Variants in UROC1 observed in about 807,000 individuals in gnomAD.
UROC1 encodes the protein urocanate hydratase.
A neutral mutation model predicts 89.5 loss-of-function variants in UROC1; 79 were observed. The observed-to-expected ratio is 0.88, with a 90% confidence interval of 0.74 to 1.06. The LOEUF (loss-of-function observed/expected upper bound fraction) is 1.06, where lower values mean the gene tolerates loss of function less well. Ranked by LOEUF, UROC1 falls within the 50% of genes least tolerant of loss-of-function variation. The probability of loss-of-function intolerance (pLI) is 0.00; values close to 1 mark genes in which losing one functional copy is unlikely to be tolerated. For missense variants in UROC1, 885 were observed against 907.8 expected, an observed-to-expected ratio of 0.97 and a Z score of 0.32; for synonymous variants, 361 against 354.8, an observed-to-expected ratio of 1.02 and a Z score of -0.20.
chr3:126,507,443 G>A (rs921127738), intron 6 of UROC1, among the ~76,000 whole-genome samples: 4 of 151,888 alleles, frequency 2.6e-5, no homozygotes, highest in Non-Finnish European at 4.4e-5. Flanking sequence ...TAGCACATTC[G>A]TCACAGAAAT....
intron 12 of UROC1, among the ~76,000 whole-genome samples, chr3:126,499,694 C>T (rs1438548124): frequency 1.3e-5 from 2 of 152,242 alleles, no homozygotes; most frequent in African/African-American, 2.4e-5. Context: ...CCACTGCGGA[C>T]ACTGTGCCTT....
rs373726993 is a variant in UROC1, at chr3:126,500,793, C to T, written c.1047G>A (p.Pro349=). The T allele has an allele frequency of 2.8e-5, 46 of 1,614,098 alleles. No individual in the cohort carries two copies. The highest frequency in any genetic ancestry group is 3.6e-5 in the Non-Finnish European group (43 of 1,180,034). ...GCACAGGGTAGTAGCCGCCATTGAACGGGTTGTGGCAGGATGTCTGATCTG... is the reference window on the plus strand; with the variant it reads ...GCACAGGGTAGTAGCCGCCATTGAATGGGTTGTGGCAGGATGTCTGATCTG... ...LGSDQTSCHN[P]FNGGYYPVQL... The change falls in exon 11 of 20, where the codon CCG becomes CCA. Residue 349 remains proline, a synonymous_variant. Transcript: ENST00000290868.
At position 126,500,041 on chromosome 3, in the gene UROC1, T is replaced by G. The variant is rs780447597; in HGVS notation, c.1243+16A>C. On this transcript the variant is annotated intron_variant, in intron 12 of 19. Transcript: ENST00000290868. ...GTGGTGGCCCCTCCCTCCTCCTCCC[T>G]CCTCCTTCCTCCTACCTGCTCTCTG... 26 of 1,608,980 alleles carry G rather than the reference T, an allele frequency of 1.6e-5. No individual in the cohort carries two copies. The highest frequency in any genetic ancestry group is 2.0e-5 in the Non-Finnish European group (24 of 1,177,678).
chr3:126,512,414 T>G (rs1936216503), intron 1 of UROC1, among the ~76,000 whole-genome samples: 1 of 152,252 alleles, frequency 6.6e-6, no homozygotes. Flanking sequence ...TCCCAGGATT[T>G]TTATATGTTT....
At position 126,496,765 on chromosome 3, in the gene UROC1, A is replaced by G. The variant is rs147956358; in HGVS notation, c.1439-657T>C. Among the ~76,000 whole-genome samples, 4 of 152,170 alleles carry G rather than the reference A, an allele frequency of 2.6e-5. No individual in the cohort carries two copies. In the East Asian group the frequency reaches 7.7e-4, roughly 29 times the overall value. On this transcript the variant is annotated intron_variant, in intron 14 of 19. Transcript: ENST00000290868. ...TCATTAAAATTTTAAATAAGCTTAC[A>G]CTTTTACCAAATTATATTAAAATGA...
At chr3:126,511,596 T>C (rs1321691964) in intron 1 of UROC1, among the ~76,000 whole-genome samples, 2 of 152,236 alleles carry the variant, frequency 1.3e-5, no homozygotes, top group African/African-American at 4.8e-5. Flanking sequence ...TTCAGATAAT[T>C]ACATAGCTCA....
chr3:126,515,166 G>C (rs1246926233), intron 1 of UROC1, among the ~76,000 whole-genome samples: 2 of 152,028 alleles, frequency 1.3e-5, no homozygotes, highest in African/African-American at 4.8e-5. Flanking sequence ...CAGCCACAGG[G>C]AGCTGATCAC....
intron 9 of UROC1, among the ~76,000 whole-genome samples, chr3:126,502,852 T>C (rs1576724162): frequency 6.6e-6 from 1 of 151,946 alleles, no homozygotes; most frequent in African/African-American, 2.4e-5. Context: ...GTGTGTTACA[T>C]GTGTGTTGTG....
At chr3:126,512,888 C>T (rs1348182799) in intron 1 of UROC1, among the ~76,000 whole-genome samples, 2 of 152,194 alleles carry the variant, frequency 1.3e-5, no homozygotes, top group Admixed American at 6.5e-5. Context: ...ATTTCTTGAT[C>T]GCAGTCCAGT....
intron 15 of UROC1, among the ~76,000 whole-genome samples, chr3:126,494,155 G>T (rs1412366109): frequency 6.6e-6 from 1 of 152,184 alleles, no homozygotes; most frequent in Non-Finnish European, 1.5e-5. Flanking sequence ...TACATTAAAA[G>T]AAAATAAATC....
chr3:126,489,864 T>A (rs1369897504), intron 16 of UROC1, among the ~76,000 whole-genome samples: 1 of 152,218 alleles, frequency 6.6e-6, no homozygotes, highest in African/African-American at 2.4e-5. Context: ...CCCCATTGTA[T>A]GTCGAGGAGA....
At chr3:126,494,610 T>C (rs1316016588) in intron 15 of UROC1, among the ~76,000 whole-genome samples, 2 of 152,248 alleles carry the variant, frequency 1.3e-5, no homozygotes, top group African/African-American at 4.8e-5. Flanking sequence ...ACACGGTCCA[T>C]GGCCAAAGGT....
rs558407261 is a variant in UROC1, at chr3:126,481,507, A to G, written c.*838T>C. The G allele has an allele frequency of 5.3e-5, 8 of 152,252 alleles. No individual in the cohort carries two copies. The East Asian group carries it at 1.6e-3, about 30-fold the overall frequency. 9.4% of individuals were successfully genotyped at this position (152,252 alleles called of 1,614,324 possible). On this transcript the variant is annotated 3_prime_UTR_variant, in exon 20 of 20. Transcript: ENST00000290868. ...TTCTGTGGCCCTCAGAGGCCCACCC[A>G]CAGACTCTTTCTCATTTCTCTGTTT...
At chr3:126,492,295 G>A (rs1432624397) in intron 16 of UROC1, 123 bp downstream of exon 16, 7 of 934,960 alleles carry the variant, frequency 7.5e-6, no homozygotes, top group South Asian at 7.0e-5. Flanking sequence ...GAGGCCCAAC[G>A]GGGGTGTCTC....
chr3:126,510,868 A>T (rs1251671628), intron 1 of UROC1, 74 bp from the exon 2 acceptor site: 2 of 1,568,580 alleles, frequency 1.3e-6, no homozygotes, highest in Non-Finnish European at 1.7e-6. Context: ...GCGATGGGCC[A>T]TCCTCCTCCC....
intron 9 of UROC1, among the ~76,000 whole-genome samples, chr3:126,502,204 G>T (rs1263104229): frequency 1.4e-5 from 2 of 145,216 alleles, no homozygotes; most frequent in Non-Finnish European, 1.5e-5. Flanking sequence ...GCGTGTGTTT[G>T]TGTGTGTGTC....
chr3:126,498,122 C>T lies in UROC1; in HGVS notation c.1367G>A (p.Gly456Glu), dbSNP rs767874554. Residue 456 changes from glycine to glutamate, a missense_variant, in exon 14 of 20, where the codon GGG (glycine) becomes GAG (glutamate). By Grantham distance (98) the Gly-to-Glu change is moderately conservative. Transcript: ENST00000290868. ...FGPFRWVCTS[G>E]DPQDLAVTDE... ...TGTGACCGCCAGGTCCTGGGGGTCC[C>T]CCGATGTGCACACCCAGCGGAAAGG... The T allele has an allele frequency of 2.5e-6, 4 of 1,614,174 alleles. No homozygotes were observed. The South Asian group carries it at 4.4e-5, about 18-fold the overall frequency.
chr3:126,505,044 C>T (rs2107546243), intron 8 of UROC1, among the ~76,000 whole-genome samples: 1 of 152,180 alleles, frequency 6.6e-6, no homozygotes, highest in East Asian at 1.9e-4. Flanking sequence ...CCAGCACCTC[C>T]CTCTCCTCTC....
rs1935372366 is a variant in UROC1 at position 126,481,168 on chromosome 3, G to A, written c.*1177C>T. On this transcript the variant is annotated 3_prime_UTR_variant, in exon 20 of 20. Coordinates refer to ENST00000290868, the MANE Select transcript of UROC1 (RefSeq NM_144639.3). ...GCGAAGGCAAAAAGCAACCCCGCTG[G>A]ATCTGTCCATTTTATTAGAAAAACG... 6.6e-6 allele frequency: 1 copy of A among 151,890 alleles called. No individual in the cohort carries two copies. The highest frequency in any genetic ancestry group is 2.4e-5 in the African/African-American group (1 of 41,354). The allele number at this position is 151,890 out of a possible 1,614,324, so 9.4% of individuals were successfully genotyped here.
Sources: gnomAD v4.1 joint callset for allele counts (sites outside exome capture counted in the v4.1 genomes callset) on GRCh38, gnomAD v4.1.1 for gene constraint, MANE v1.5 for transcripts, NCBI Gene and HGNC (gene_info 2026-07-23, HGNC 2026-07-21) for gene names.